The following KHDRBS3 variants were observed in gnomAD, a reference collection of about 807,000 sequenced individuals.
KHDRBS3 encodes the protein KH domain-containing, RNA-binding, signal transduction-associated protein 3.
A neutral mutation model predicts 45.6 loss-of-function variants in KHDRBS3; 23 were observed. The ratio of observed to expected loss-of-function variants is 0.50; its 90% CI spans 0.36 to 0.72. The LOEUF is 0.72. KHDRBS3 is among the 30% of genes least tolerant of loss of function. KHDRBS3 has a pLI of 0.00. For missense variants in KHDRBS3, 352 were observed against 424.8 expected, an observed-to-expected ratio of 0.83 and a Z score of 1.51; for synonymous variants, 162 against 156.5, an observed-to-expected ratio of 1.04 and a Z score of -0.26.
At chr8:135,632,566 A>G (rs1012076676) in intron 7 of KHDRBS3, among the ~76,000 whole-genome samples, 3 of 151,820 alleles carry the variant, frequency 2.0e-5, no homozygotes, top group African/African-American at 7.3e-5. Flanking sequence ...AGGGTCTCTC[A>G]AACCTAACGT....
At chr8:135,491,877 G>A (rs982219686) in intron 1 of KHDRBS3, among the ~76,000 whole-genome samples, 4 of 151,580 alleles carry the variant, frequency 2.6e-5, no homozygotes, top group African/African-American at 9.7e-5. Flanking sequence ...AATTAAGGCA[G>A]TGGCACCAAA....
At chr8:135,493,503 G>A (rs1823262758) in intron 1 of KHDRBS3, among the ~76,000 whole-genome samples, 1 of 151,922 alleles carries the variant, frequency 6.6e-6, no homozygotes, top group African/African-American at 2.4e-5. Flanking sequence ...TTTTATTATA[G>A]TAGTTGTTTA....
intron 1 of KHDRBS3, among the ~76,000 whole-genome samples, chr8:135,474,944 T>C (rs1822197925): frequency 6.6e-6 from 1 of 152,230 alleles, no homozygotes; most frequent in South Asian, 2.1e-4. Context: ...CTCTGGAGGC[T>C]GCTTACATTC....
intron 5 of KHDRBS3, among the ~76,000 whole-genome samples, chr8:135,573,710 T>TTTTTTG (rs778753543): frequency 1.3e-5 from 2 of 152,104 alleles, no homozygotes; most frequent in Admixed American, 6.6e-5. Context: ...GAGTGACTGT[T>TTTTTTG]TTTTTGTTTT....
intron 2 of KHDRBS3, among the ~76,000 whole-genome samples, chr8:135,525,153 C>T (rs562834380): frequency 2.1e-4 from 32 of 152,152 alleles, no homozygotes; most frequent in Middle Eastern, 3.4e-3. Flanking sequence ...GTTACTTTCG[C>T]GGAAGAATTT....
intron 5 of KHDRBS3, among the ~76,000 whole-genome samples, chr8:135,559,973 T>C (rs1176749785): frequency 6.6e-6 from 1 of 152,004 alleles, no homozygotes; most frequent in Non-Finnish European, 1.5e-5. Context: ...CCCAGTGCTT[T>C]GGGAGGCCAA....
chr8:135,475,189 A>G (rs1003106795), intron 1 of KHDRBS3, among the ~76,000 whole-genome samples: 5 of 152,150 alleles, frequency 3.3e-5, no homozygotes, highest in East Asian at 3.8e-4. Context: ...GCGACTTAAC[A>G]TTTACAGGTT....
intron 1 of KHDRBS3, chr8:135,458,548 C>T (rs1821245552): frequency 3.4e-6 from 1 of 295,988 alleles, no homozygotes; most frequent in Non-Finnish European, 6.6e-6. Context: ...TTTGTCTCTC[C>T]TGTGTCCAGG....
At chr8:135,571,991 G>T (rs889607800) in intron 5 of KHDRBS3, among the ~76,000 whole-genome samples, 1 of 152,204 alleles carries the variant, frequency 6.6e-6, no homozygotes, top group South Asian at 2.1e-4. Context: ...ACTAAAAACT[G>T]AATTCCTGTA....
intron 1 of KHDRBS3, 170 bp downstream of exon 1, chr8:135,458,124 C>T (rs1042849943): frequency 3.5e-5 from 48 of 1,382,310 alleles, no homozygotes; most frequent in Non-Finnish European, 4.4e-5. Flanking sequence ...TGTGGGACAC[C>T]TAGGGGAAGA....
intron 7 of KHDRBS3, among the ~76,000 whole-genome samples, chr8:135,618,620 G>A (rs182886737): frequency 5.3e-4 from 80 of 152,188 alleles, no homozygotes; most frequent in Admixed American, 2.0e-3. Flanking sequence ...TTTCATTGAT[G>A]TCTTAAAGTA....
chr8:135,580,545 A>G (rs973689071), intron 5 of KHDRBS3, among the ~76,000 whole-genome samples: 2 of 150,456 alleles, frequency 1.3e-5, no homozygotes, highest in South Asian at 2.1e-4. Context: ...GTATTTCTTC[A>G]TTATTCTTAA....
At chr8:135,517,555 A>G (rs1824674968) in intron 1 of KHDRBS3, among the ~76,000 whole-genome samples, 1 of 152,230 alleles carries the variant, frequency 6.6e-6, no homozygotes, top group Non-Finnish European at 1.5e-5. Flanking sequence ...TTTCAAAAAA[A>G]AATTAAGCTA....
At chr8:135,650,395 C>T (rs376257317), downstream of KHDRBS3, among the ~76,000 whole-genome samples, 9 of 152,284 alleles carry the variant, frequency 5.9e-5, no homozygotes, top group African/African-American at 2.2e-4. Flanking sequence ...TATATTTCCT[C>T]ATTTTAGTAT....
chr8:135,560,567 C>T (rs564670236), intron 5 of KHDRBS3, among the ~76,000 whole-genome samples: 6 of 151,992 alleles, frequency 3.9e-5, no homozygotes, highest in South Asian at 2.1e-4. Flanking sequence ...ATTCAGTTGT[C>T]GGTTTCTAAA....
rs111922114 is a variant in KHDRBS3, at chr8:135,509,450, A to G, written c.89-11787A>G. The stretch of plus-strand genomic sequence containing the variant: ...CCTCCAGTATAGAGTCTAGAATATG[A>G]TAATTATTCAACTTGTTAGATTCCT... On this transcript the variant is annotated intron_variant, in intron 1 of 8. Coordinates refer to ENST00000355849, the MANE Select transcript of KHDRBS3 (RefSeq NM_006558.3). Among the ~76,000 whole-genome samples the G allele has an allele frequency of 4.3e-3, 650 of 152,278 alleles. 12 individuals are homozygous for G. The highest frequency in any genetic ancestry group is 0.014 in the African/African-American group (590 of 41,546).
intron 2 of KHDRBS3, among the ~76,000 whole-genome samples, chr8:135,537,352 C>G (rs1825833156): frequency 1.3e-5 from 2 of 152,150 alleles, no homozygotes; most frequent in Admixed American, 6.5e-5. Flanking sequence ...GTGACAGGTT[C>G]TTGAGATTTA....
At chr8:135,588,832 C>G (rs2130953288) in intron 6 of KHDRBS3, among the ~76,000 whole-genome samples, 1 of 152,278 alleles carries the variant, frequency 6.6e-6, no homozygotes, top group South Asian at 2.1e-4. Flanking sequence ...GTCATCTGTT[C>G]ACGGTCCCCT....
intron 2 of KHDRBS3, chr8:135,539,147 C>G (rs1400198803): frequency 6.6e-6 from 1 of 152,204 alleles, no homozygotes; most frequent in Non-Finnish European, 1.5e-5. Flanking sequence ...TTTCTGATGC[C>G]TGACATAGGC....
Sources: gnomAD v4.1 joint callset for allele counts (sites outside exome capture counted in the v4.1 genomes callset) on GRCh38, gnomAD v4.1.1 for gene constraint, MANE v1.5 for transcripts, NCBI Gene and HGNC (gene_info 2026-07-23, HGNC 2026-07-21) for gene names.